CNTN4: variants seen among roughly 807,000 people sequenced by gnomAD.
The protein encoded by CNTN4 is contactin 4.
CNTN4 carries 77 observed loss-of-function variants against 122.5 expected under a neutral mutation model. The ratio of observed to expected loss-of-function variants is 0.63; its 90% confidence interval spans 0.52 to 0.76. The LOEUF (loss-of-function observed/expected upper bound fraction) is 0.76, where lower values mean the gene tolerates loss of function less well. CNTN4 is among the 30% of genes least tolerant of loss of function. CNTN4 has a pLI of 0.00. For synonymous variants in CNTN4, 512 were observed against 447.0 expected (o/e 1.15, Z -1.83); for missense variants, 1,256 against 1,259.1 (o/e 1.00, Z 0.04).
At chr3:2,547,273 T>C (rs2078286963) in intron 3 of CNTN4, among the ~76,000 whole-genome samples, 1 of 144,272 alleles carries the variant, frequency 6.9e-6, no homozygotes, top group African/African-American at 2.6e-5. Flanking sequence ...TATTTATTTA[T>C]TTATTTTGAG....
At chr3:3,047,283 G>A (rs1394556628) in intron 23 of CNTN4, among the ~76,000 whole-genome samples, 5 of 152,036 alleles carry the variant, frequency 3.3e-5, no homozygotes, top group Admixed American at 1.3e-4. Context: ...AGACCTAATA[G>A]ACATCTACAG....
chr3:2,468,642 A>G (rs2075586164), intron 3 of CNTN4, among the ~76,000 whole-genome samples: 1 of 152,186 alleles, frequency 6.6e-6, no homozygotes, highest in African/African-American at 2.4e-5. Flanking sequence ...GGAGGCCTGT[A>G]GATTAGGTAG....
intron 2 of CNTN4, among the ~76,000 whole-genome samples, chr3:2,121,760 CCTT>C (rs1177278776): frequency 4.6e-5 from 7 of 152,242 alleles, no homozygotes; most frequent in African/African-American, 7.2e-5. Context: ...AAAAATGTCT[CCTT>C]CTGCTCAAGA....
At chr3:2,268,955 A>G (rs961505738) in intron 2 of CNTN4, among the ~76,000 whole-genome samples, 8 of 152,072 alleles carry the variant, frequency 5.3e-5, no homozygotes, top group Admixed American at 3.3e-4. Context: ...TGTGCTAAAT[A>G]GGTTTCTCTG....
Position 2,630,855 on chromosome 3 carries a change from A to T in CNTN4, c.55+59297A>T, listed in dbSNP as rs140716603. On this transcript the variant is annotated intron_variant, in intron 4 of 24. Transcript: ENST00000418658. ...TACAGAAGTCTTCTTAGCTTTAAAG[A>T]TTTACCTGGGTGAAGACAGGCATTG... is the stretch of plus-strand genomic sequence containing the variant. Among the ~76,000 whole-genome samples the T allele has an allele frequency of 1.5e-3, 234 of 152,286 alleles. 3 individuals are homozygous for T. Among genetic ancestry groups the T allele is most frequent in the African/African-American group, 5.3e-3 (219 of 41,568 alleles).
intron 6 of CNTN4, among the ~76,000 whole-genome samples, chr3:2,753,451 C>T (rs1304723676): frequency 6.6e-6 from 1 of 152,182 alleles, no homozygotes. Context: ...TAGTTCTCAA[C>T]ACAACCCAAT....
At chr3:2,165,183 T>G (rs2729019) in intron 2 of CNTN4, among the ~76,000 whole-genome samples, 3 of 151,942 alleles carry the variant, frequency 2.0e-5, no homozygotes, top group East Asian at 1.9e-4. Flanking sequence ...ATTAGCTGGG[T>G]GTGATGGCGG....
chr3:2,891,445 T>C (rs2094039559), intron 10 of CNTN4, among the ~76,000 whole-genome samples: 1 of 151,228 alleles, frequency 6.6e-6, no homozygotes, highest in Non-Finnish European at 1.5e-5. Context: ...AGACTCCATC[T>C]CAAATAAATA....
chr3:2,164,388 A>G (rs1249354052), intron 2 of CNTN4, among the ~76,000 whole-genome samples: 1 of 152,150 alleles, frequency 6.6e-6, no homozygotes, highest in African/African-American at 2.4e-5. Flanking sequence ...CACATAGGAT[A>G]GGTCTTGGGG....
intron 2 of CNTN4, among the ~76,000 whole-genome samples, chr3:2,179,955 A>G (rs1415092938): frequency 6.6e-6 from 1 of 151,994 alleles, no homozygotes; most frequent in East Asian, 1.9e-4. Flanking sequence ...CATTTTTTGT[A>G]CTAAGCCTTA....
intron 6 of CNTN4, among the ~76,000 whole-genome samples, chr3:2,804,064 T>TTCACACACAC (rs2150081072): frequency 2.6e-5 from 1 of 37,874 alleles, no homozygotes; most frequent in South Asian, 1.3e-3. Flanking sequence ...TATATATGTC[T>TTCACACACAC]GCACACACAC....
chr3:2,462,824 A>T (rs752739567), intron 3 of CNTN4, among the ~76,000 whole-genome samples: 22 of 152,208 alleles, frequency 1.4e-4, no homozygotes, highest in Non-Finnish European at 3.1e-4. Flanking sequence ...TAAAGAGGTG[A>T]GGACAGATAA....
chr3:2,800,917 C>G (rs868714092), intron 6 of CNTN4, among the ~76,000 whole-genome samples: 3 of 152,156 alleles, frequency 2.0e-5, no homozygotes, highest in Non-Finnish European at 4.4e-5. Flanking sequence ...TACTCAAACG[C>G]ACCTACTTCC....
Position 2,778,087 on chromosome 3 carries a change from G to A in CNTN4, c.358+32390G>A, listed in dbSNP as rs544529490. 2.6e-4 allele frequency among the ~76,000 whole-genome samples: 38 copies of A among 145,098 alleles called. 3 individuals are homozygous for A. In the East Asian group the frequency reaches 6.8e-3, roughly 26 times the overall value. ...AAATTAGCCGGGCGTGGTGGCGGGCGCCTGTAGTCCCAGCTACTCAGGAGG... is the reference window on the plus strand; with the variant it reads ...AAATTAGCCGGGCGTGGTGGCGGGCACCTGTAGTCCCAGCTACTCAGGAGG... On this transcript the variant is annotated intron_variant, in intron 6 of 24. Coordinates refer to ENST00000418658, the MANE Select transcript of CNTN4 (RefSeq NM_175607.3).
intron 10 of CNTN4, among the ~76,000 whole-genome samples, chr3:2,897,902 G>A (rs1452768176): frequency 6.6e-6 from 1 of 152,048 alleles, no homozygotes. Context: ...TTGATATTAG[G>A]CGATAAATAC....
At chr3:2,968,004 A>C (rs1000195518) in intron 13 of CNTN4, among the ~76,000 whole-genome samples, 4 of 152,276 alleles carry the variant, frequency 2.6e-5, no homozygotes, top group Admixed American at 2.6e-4. Context: ...GTTGAAAGTT[A>C]GGGAAGTCTG....
rs73804685 is a variant in CNTN4 at position 2,117,197 on chromosome 3, C to T, written c.-145+16558C>T. On this transcript the variant is annotated intron_variant, in intron 2 of 24. Transcript: ENST00000418658. ...CAGACCAGCTATAAATTGGTGTTCC[C>T]GCAACCTCCTCCTTGGGTTCAGTTA... Among the ~76,000 whole-genome samples the T allele has an allele frequency of 6.2e-3, 943 of 152,298 alleles. 13 individuals carry two copies. Among genetic ancestry groups the T allele is most frequent in the African/African-American group, 0.021 (873 of 41,562 alleles).
At chr3:2,677,491 T>C (rs1324754036) in intron 4 of CNTN4, among the ~76,000 whole-genome samples, 39 of 146,968 alleles carry the variant, frequency 2.7e-4, no homozygotes, top group African/African-American at 7.2e-4. Flanking sequence ...TATATCTATC[T>C]ATCTATCTAT....
intron 3 of CNTN4, among the ~76,000 whole-genome samples, chr3:2,355,917 A>G (rs1378291882): frequency 6.6e-6 from 1 of 152,246 alleles, no homozygotes; most frequent in Non-Finnish European, 1.5e-5. Context: ...TAGCAGGGGC[A>G]GGGTTTATCC....
Sources: gnomAD v4.1 joint callset for allele counts (sites outside exome capture counted in the v4.1 genomes callset) on GRCh38, gnomAD v4.1.1 for gene constraint, MANE v1.5 for transcripts, NCBI Gene and HGNC (gene_info 2026-07-23, HGNC 2026-07-21) for gene names.